Variants in IGF1R observed in about 807,000 individuals in gnomAD.
IGF1R encodes insulin like growth factor 1 receptor, also known as insulin-like growth factor 1 receptor.
In IGF1R, 44 loss-of-function variants were observed where a neutral mutation model predicts 144.6. The ratio of observed to expected loss-of-function variants is 0.30; its 90% CI spans 0.24 to 0.39. IGF1R has a LOEUF of 0.39. Among genes scored for constraint, IGF1R ranks in the 10% least tolerant of loss-of-function variants. The pLI is 1.00. For synonymous variants in IGF1R, 795 were observed against 722.8 expected (o/e 1.10, Z -1.60); for missense variants, 1,355 against 1,833.7 (o/e 0.74, Z 4.77).
At chr15:98,711,346 C>T (rs939211175) in intron 2 of IGF1R, among the ~76,000 whole-genome samples, 8 of 152,302 alleles carry the variant, frequency 5.3e-5, no homozygotes, top group South Asian at 4.1e-4. Flanking sequence ...TGTGTGAAAT[C>T]GTTGAGCCTA....
rs2016119302 is a variant in IGF1R at position 98,935,769 on chromosome 15, CT to C, written c.3297+344del. 6.6e-6 allele frequency among the ~76,000 whole-genome samples: 1 copy of C among 152,068 alleles called. No individual in the cohort carries two copies. The highest frequency in any genetic ancestry group is 2.4e-5 in the African/African-American group (1 of 41,394). ...CCCTCCCCGAAGCTTTCCTGCCCCA[CT>C]CCAGTAGCTATCTTCTCTGCTAACT... On this transcript the variant is annotated intron_variant, in intron 17 of 20. Transcript: ENST00000650285. The surrounding 1 kb of genome is among the most constrained non-coding windows in gnomAD (Gnocchi z 4.2).
chr15:98,744,271 A>G (rs2054813631), intron 2 of IGF1R, among the ~76,000 whole-genome samples: 1 of 152,028 alleles, frequency 6.6e-6, no homozygotes, highest in African/African-American at 2.4e-5. Context: ...TGTGATGGCC[A>G]GGCTTCCAGG....
chr15:98,667,884 G>A (rs879614438), intron 1 of IGF1R, among the ~76,000 whole-genome samples: 1 of 151,960 alleles, frequency 6.6e-6, no homozygotes, highest in Non-Finnish European at 1.5e-5. Flanking sequence ...TTGCCTGGTC[G>A]TCAGGCAGGA....
chr15:98,825,372 G>C (rs542406332), intron 2 of IGF1R, among the ~76,000 whole-genome samples: 1 of 152,150 alleles, frequency 6.6e-6, no homozygotes, highest in Non-Finnish European at 1.5e-5. Context: ...TCATCTTTCC[G>C]TATACTTTAA....
intron 1 of IGF1R, among the ~76,000 whole-genome samples, chr15:98,682,238 T>A (rs2053208834): frequency 6.6e-6 from 1 of 152,162 alleles, no homozygotes; most frequent in South Asian, 2.1e-4. Flanking sequence ...CCTATGGTTA[T>A]CTGAGTTGTT....
At position 98,958,139 on chromosome 15, in the gene IGF1R, A is replaced by C; in HGVS notation, c.*697A>C. On this transcript the variant is annotated 3_prime_UTR_variant, in exon 21 of 21. Transcript: ENST00000650285. ...TCCATTTGAGAGACACGCTGGCGAC[A>C]CACTCCGTCCATCCGACTGCCCCTG... The C allele has an allele frequency of 8.6e-6, 2 of 233,628 alleles. No homozygotes were observed. Among genetic ancestry groups the C allele is most frequent in the Non-Finnish European group, 8.5e-6 (1 of 118,142 alleles). 14.5% of individuals were successfully genotyped at this position (233,628 alleles called of 1,614,324 possible). A position where few individuals can be genotyped will look rare whatever the true frequency, so the allele number is the denominator to read the frequency against.
In IGF1R at chr15:98,960,621, G is replaced by T. The variant is rs911189508; in HGVS notation, c.*3179G>T. The stretch of plus-strand genomic sequence containing the variant: ...TGCTCCATCCCTGCAGGAGGCTCGC[G>T]CTGAGGCAGGACCGTGCGGCCATGG... On this transcript the variant is annotated 3_prime_UTR_variant, in exon 21 of 21. Transcript: ENST00000650285. 1 of 233,546 alleles carries T rather than the reference G, an allele frequency of 4.3e-6. No homozygotes were observed. The allele number at this position is 233,546 out of a possible 1,614,324, so 14.5% of individuals were successfully genotyped here. A position where few individuals can be genotyped will look rare whatever the true frequency, so the allele number is the denominator to read the frequency against.
rs1173299688 is a variant in IGF1R at position 98,960,670 on chromosome 15, G to A, written c.*3228G>A. ...GGCTGCTGCATTCATTGAGCACAAA[G>A]GTGCAGCTGCAGCAGCAGCTGGAGA... On this transcript the variant is annotated 3_prime_UTR_variant, in exon 21 of 21. Transcript: ENST00000650285. 8.6e-6 allele frequency: 2 copies of A among 233,238 alleles called. No homozygotes were observed. The highest frequency in any genetic ancestry group is 1.7e-5 in the Non-Finnish European group (2 of 118,106). The allele number at this position is 233,238 out of a possible 1,614,324, so 14.4% of individuals were successfully genotyped here. A position where few individuals can be genotyped will look rare whatever the true frequency, so the allele number is the denominator to read the frequency against.
At position 98,957,495 on chromosome 15, in the gene IGF1R, G is replaced by GT. The variant is rs542573464; in HGVS notation, c.*54dup. On this transcript the variant is annotated 3_prime_UTR_variant, in exon 21 of 21. Transcript: ENST00000650285. ...GTAACGTGTGCGCACGCGCAGCGGG[G>GT]TGGGGGGGGAGAGAGAGTTTTAACA... is the stretch of plus-strand genomic sequence containing the variant. 45 of 1,608,444 alleles carry GT rather than the reference G, an allele frequency of 2.8e-5. No individual in the cohort carries two copies. Among genetic ancestry groups the GT allele is most frequent in the African/African-American group, 9.4e-5 (7 of 74,796 alleles).
chr15:98,930,756 A>G (rs988196285), intron 15 of IGF1R, among the ~76,000 whole-genome samples: 4 of 151,666 alleles, frequency 2.6e-5, no homozygotes, highest in African/African-American at 7.3e-5. Flanking sequence ...TTATCATGGA[A>G]TTTTTCTGTC....
At chr15:98,956,124 C>T (rs566941124) in intron 20 of IGF1R, among the ~76,000 whole-genome samples, 2 of 152,358 alleles carry the variant, frequency 1.3e-5, no homozygotes, top group African/African-American at 4.8e-5. Context: ...GTCAGGGCAG[C>T]CGGCTTTCCT....
At chr15:98,709,973 A>G (rs1294201050) in intron 2 of IGF1R, among the ~76,000 whole-genome samples, 2 of 152,180 alleles carry the variant, frequency 1.3e-5, no homozygotes, top group Non-Finnish European at 2.9e-5. Flanking sequence ...TCTGGGTCCA[A>G]GTCTAAGAGT....
chr15:98,834,933 C>T (rs2057066479), intron 2 of IGF1R, among the ~76,000 whole-genome samples: 1 of 152,110 alleles, frequency 6.6e-6, no homozygotes, highest in Non-Finnish European at 1.5e-5. Flanking sequence ...GTCCAGGGCA[C>T]GCCCAGACAC....
At chr15:98,653,809 T>C (rs1371301119) in intron 1 of IGF1R, among the ~76,000 whole-genome samples, 2 of 152,270 alleles carry the variant, frequency 1.3e-5, no homozygotes, top group Non-Finnish European at 2.9e-5. Context: ...AGGGCAGTAA[T>C]GAAAATCAAC....
chr15:98,694,487 ATT>A (rs749532944), intron 1 of IGF1R, among the ~76,000 whole-genome samples: 1 of 142,892 alleles, frequency 7.0e-6, no homozygotes. Context: ...GACTTTCCCC[ATT>A]TTTTTTTTTT....
Position 98,963,373 on chromosome 15 carries a change from C to A in IGF1R, c.*5931C>A. Reference sequence around the variant, plus strand: ...AATGATGATGATTTAAAAAGTAGTTCTGTATCTTCAGTATCTTGGTCTTCC... The same window carrying A: ...AATGATGATGATTTAAAAAGTAGTTATGTATCTTCAGTATCTTGGTCTTCC... On this transcript the variant is annotated 3_prime_UTR_variant, in exon 21 of 21. Transcript: ENST00000650285. 4.3e-6 allele frequency: 1 copy of A among 233,450 alleles called. No individual in the cohort carries two copies. 14.5% of individuals were successfully genotyped at this position (233,450 alleles called of 1,614,324 possible).
At chr15:98,896,167 A>G (rs1316839811) in intron 3 of IGF1R, among the ~76,000 whole-genome samples, 1 of 152,174 alleles carries the variant, frequency 6.6e-6, no homozygotes, top group African/African-American at 2.4e-5. Flanking sequence ...TTTCTGCAAA[A>G]CACCGTCAAG....
intron 2 of IGF1R, among the ~76,000 whole-genome samples, chr15:98,717,304 A>G (rs756009680): frequency 2.0e-5 from 3 of 149,988 alleles, no homozygotes; most frequent in Non-Finnish European, 2.9e-5. Flanking sequence ...CCAAGCACAT[A>G]GGTTTTTGGT....
At chr15:98,771,560 G>A (rs968816181) in intron 2 of IGF1R, among the ~76,000 whole-genome samples, 32 of 152,162 alleles carry the variant, frequency 2.1e-4, no homozygotes, top group Non-Finnish European at 3.7e-4. Context: ...CGGTGATGTC[G>A]CAGGTGAGGC....
Sources: gnomAD v4.1 joint callset for allele counts (sites outside exome capture counted in the v4.1 genomes callset) on GRCh38, gnomAD v4.1.1 for gene constraint, Gnocchi (gnomAD v3.1) non-coding constraint, MANE v1.5 for transcripts, NCBI Gene and HGNC (gene_info 2026-07-23, HGNC 2026-07-21) for gene names.